The following CALN1 variants were observed in gnomAD, a reference collection of about 807,000 sequenced individuals.
CALN1 encodes calcium-binding protein 8.
CALN1 carries 17 observed loss-of-function variants against 30.6 expected under a neutral mutation model. The observed-to-expected ratio is 0.56, with a 90% CI of 0.38 to 0.83. The LOEUF (loss-of-function observed/expected upper bound fraction) is 0.83. Ranked by LOEUF, CALN1 falls within the 40% of genes least tolerant of loss-of-function variation. The pLI, the probability that CALN1 is intolerant of heterozygous loss-of-function variation, is 0.00. For missense variants in CALN1, 291 were observed against 354.9 expected (o/e 0.82, Z 1.45); for synonymous variants, 156 against 131.4 (o/e 1.19, Z -1.28).
intron 5 of CALN1, among the ~76,000 whole-genome samples, chr7:72,006,362 T>C (rs1799771979): frequency 6.6e-6 from 1 of 152,082 alleles, no homozygotes; most frequent in Admixed American, 6.6e-5. Context: ...AGATAAAATA[T>C]ACAAAACAAT....
At chr7:72,391,220 T>C (rs1805558260) in intron 2 of CALN1, among the ~76,000 whole-genome samples, 1 of 151,892 alleles carries the variant, frequency 6.6e-6, no homozygotes, top group African/African-American at 2.4e-5. Flanking sequence ...AGATCCAGAG[T>C]CCCAGATGTA....
chr7:72,407,939 T>C (rs527347566), intron 1 of CALN1, among the ~76,000 whole-genome samples: 1 of 152,104 alleles, frequency 6.6e-6, no homozygotes, highest in Admixed American at 6.5e-5. Context: ...TCCTTCAGTC[T>C]GGAGGATCAG....
intron 3 of CALN1, among the ~76,000 whole-genome samples, chr7:72,229,408 T>C (rs1033274603): frequency 6.6e-6 from 1 of 151,908 alleles, no homozygotes; most frequent in East Asian, 1.9e-4. Context: ...CGCTTACCAT[T>C]TGACCCAACA....
chr7:72,012,642 G>A (rs1800148500), intron 5 of CALN1, among the ~76,000 whole-genome samples: 2 of 152,240 alleles, frequency 1.3e-5, no homozygotes, highest in South Asian at 4.1e-4. Context: ...GTGGAGAGCA[G>A]CATCTGTGAC....
chr7:72,375,656 T>C (rs1361747364), intron 2 of CALN1, among the ~76,000 whole-genome samples: 1 of 152,126 alleles, frequency 6.6e-6, no homozygotes, highest in Non-Finnish European at 1.5e-5. Flanking sequence ...ATATAGACTT[T>C]AAACATTTTG....
intron 5 of CALN1, among the ~76,000 whole-genome samples, chr7:71,950,988 C>T (rs569733247): frequency 6.6e-6 from 1 of 152,328 alleles, no homozygotes; most frequent in South Asian, 2.1e-4. Context: ...GAATAGGCCC[C>T]CGTCTATCCC....
At chr7:71,836,281 T>C (rs1789595170) in intron 5 of CALN1, among the ~76,000 whole-genome samples, 1 of 152,162 alleles carries the variant, frequency 6.6e-6, no homozygotes, top group African/African-American at 2.4e-5. Flanking sequence ...ACATTAACTA[T>C]CACCCTTGCA....
intron 2 of CALN1, among the ~76,000 whole-genome samples, chr7:72,402,262 T>G (rs756955802): frequency 1.3e-5 from 2 of 152,120 alleles, no homozygotes; most frequent in African/African-American, 4.8e-5. Context: ...CTGAACAGAG[T>G]CTTGTAGCAT....
intron 3 of CALN1, among the ~76,000 whole-genome samples, chr7:72,147,094 C>A (rs1356078309): frequency 6.6e-6 from 1 of 152,118 alleles, no homozygotes; most frequent in South Asian, 2.1e-4. Context: ...AAAGCAATGG[C>A]AACAAAAGAC....
intron 2 of CALN1, among the ~76,000 whole-genome samples, chr7:72,334,310 GACACCACTGCAC>G (rs1399646569): frequency 1.3e-5 from 2 of 152,248 alleles, no homozygotes; most frequent in East Asian, 3.9e-4. Context: ...TGTGGTAAAA[GACACCACTGCAC>G]ACACCACAAC....
chr7:72,106,128 G>T, intron 4 of CALN1, 23 bp downstream of exon 4: 1 of 1,611,286 alleles, frequency 6.2e-7, no homozygotes, highest in South Asian at 1.1e-5. Context: ...TCTCAGGGGA[G>T]AAGCTGCTTG....
intron 5 of CALN1, among the ~76,000 whole-genome samples, chr7:72,022,686 AT>A (rs1800769999): frequency 6.6e-6 from 1 of 152,162 alleles, no homozygotes; most frequent in South Asian, 2.1e-4. Flanking sequence ...GAGCCACCAA[AT>A]TCAGCTTCCC....
chr7:72,104,449 T>TA (rs979070442), intron 4 of CALN1, among the ~76,000 whole-genome samples: 3 of 152,144 alleles, frequency 2.0e-5, no homozygotes, highest in Admixed American at 1.3e-4. Flanking sequence ...GCAGGTTTGT[T>TA]AGATAGGTAA....
chr7:71,953,243 C>T (rs1361473637), intron 5 of CALN1, among the ~76,000 whole-genome samples: 1 of 152,112 alleles, frequency 6.6e-6, no homozygotes, highest in East Asian at 1.9e-4. Flanking sequence ...CGGGCATGAG[C>T]CACCACAGCT....
At chr7:72,000,704 A>G (rs1799482106) in intron 5 of CALN1, among the ~76,000 whole-genome samples, 1 of 152,008 alleles carries the variant, frequency 6.6e-6, no homozygotes, top group Non-Finnish European at 1.5e-5. Context: ...ACAAGGCCTC[A>G]TAACAAAACC....
chr7:71,812,593 G>A (rs1362781476), intron 5 of CALN1, among the ~76,000 whole-genome samples: 3 of 152,144 alleles, frequency 2.0e-5, no homozygotes, highest in African/African-American at 7.2e-5. Flanking sequence ...GATGAGCTCA[G>A]GAAAGAACTG....
intron 5 of CALN1, among the ~76,000 whole-genome samples, chr7:71,929,854 A>G (rs1398258874): frequency 3.9e-5 from 6 of 152,196 alleles, no homozygotes; most frequent in African/African-American, 1.4e-4. Flanking sequence ...CACAGCAGCA[A>G]TGGATGAGGG....
intron 4 of CALN1, among the ~76,000 whole-genome samples, chr7:72,097,954 T>G (rs1465399614): frequency 6.6e-6 from 1 of 152,048 alleles, no homozygotes; most frequent in African/African-American, 2.4e-5. Context: ...CCTCAAGTGA[T>G]CCACCCGCCT....
intron 3 of CALN1, among the ~76,000 whole-genome samples, chr7:72,107,735 G>C (rs752202981): frequency 2.6e-5 from 4 of 152,322 alleles, no homozygotes; most frequent in Non-Finnish European, 4.4e-5. Flanking sequence ...TATTCACCAT[G>C]CCACGCTAGT....
Sources: allele counts gnomAD v4.1 joint callset (sites outside exome capture counted in the v4.1 genomes callset), GRCh38; gene constraint gnomAD v4.1.1; transcripts MANE v1.5; gene names NCBI Gene and HGNC (gene_info 2026-07-23, HGNC 2026-07-21).